Variants in RPS6KL1 observed in about 807,000 individuals in gnomAD.
The protein encoded by RPS6KL1 is ribosomal protein S6 kinase like 1, also known as ribosomal protein S6 kinase-like 1.
In RPS6KL1, 41 loss-of-function variants were observed where a neutral mutation model predicts 57.0. The observed-to-expected ratio is 0.72, with a 90% CI of 0.56 to 0.93. The LOEUF (loss-of-function observed/expected upper bound fraction) is 0.93. Ranked by LOEUF, RPS6KL1 falls within the 40% of genes least tolerant of loss-of-function variation. The probability of loss-of-function intolerance (pLI) is 0.00; values close to 1 mark genes in which losing one functional copy is unlikely to be tolerated. For synonymous variants in RPS6KL1, 287 were observed against 309.7 expected (o/e 0.93, Z 0.77); for missense variants, 697 against 727.7 (o/e 0.96, Z 0.49).
Position 74,922,126 on chromosome 14 carries a change from TG to T in RPS6KL1, c.-170del. On this transcript the variant is annotated 5_prime_UTR_variant, in exon 2 of 12. It introduces an in-frame stop codon into an upstream open reading frame of the 5' UTR. Coordinates refer to ENST00000557413, the MANE Select transcript of RPS6KL1 (RefSeq NM_031464.5). ...TCAAATTCAGTTCAGCAAACATTTC[TG>T]GAGCATCTGGTACTGTGTTGAGCTC... 1.1e-6 allele frequency: 1 copy of T among 926,186 alleles called. No homozygotes were observed. The highest frequency in any genetic ancestry group is 1.3e-6 in the Non-Finnish European group (1 of 771,218). The allele number at this position is 926,186 out of a possible 1,614,324, so 57.4% of individuals were successfully genotyped here.
chr14:74,915,961 G>A (rs142602524), intron 5 of RPS6KL1, among the ~76,000 whole-genome samples: 68 of 152,324 alleles, frequency 4.5e-4, no homozygotes, highest in Admixed American at 5.2e-4. Context: ...TGGCCCCCAG[G>A]CTCTGAGGCC....
At chr14:74,916,985 A>G (rs184786956) in intron 5 of RPS6KL1, among the ~76,000 whole-genome samples, 16 of 152,310 alleles carry the variant, frequency 1.1e-4, no homozygotes, top group African/African-American at 2.4e-4. Flanking sequence ...GTCCCTGGGA[A>G]CGGCTGTGCT....
In RPS6KL1 at chr14:74,906,140, C is replaced by T. The variant is rs920234136; in HGVS notation, c.*874G>A. The T allele has an allele frequency of 4.8e-5, 10 of 207,926 alleles. No individual in the cohort carries two copies. Among genetic ancestry groups the T allele is most frequent in the African/African-American group, 2.3e-4 (10 of 44,096 alleles). 12.9% of individuals were successfully genotyped at this position (207,926 alleles called of 1,614,324 possible). A position where few individuals can be genotyped will look rare whatever the true frequency, so the allele number is the denominator to read the frequency against. On this transcript the variant is annotated 3_prime_UTR_variant, in exon 12 of 12. Transcript: ENST00000557413. Reference sequence around the variant, plus strand: ...CAGTGACATGGTAAACAGCCAGGGCCTGAGAGGGAGTCCTGATGGGCACAC... The same window carrying T: ...CAGTGACATGGTAAACAGCCAGGGCTTGAGAGGGAGTCCTGATGGGCACAC...
At chr14:74,907,593 C>T (rs1274183021) in intron 10 of RPS6KL1, 63 bp from the exon 11 acceptor site, 13 of 1,466,468 alleles carry the variant, frequency 8.9e-6, no homozygotes, top group Non-Finnish European at 1.1e-5. Context: ...ACTCCAGTGG[C>T]AGCCAGGATT....
At chr14:74,919,043 C>T (rs111309564) in intron 4 of RPS6KL1, among the ~76,000 whole-genome samples, 27 of 152,324 alleles carry the variant, frequency 1.8e-4, no homozygotes, top group South Asian at 8.3e-4. Context: ...AGCATGGTGG[C>T]GCCTGCCTGT....
Position 74,910,215 on chromosome 14 carries a change from G to A in RPS6KL1, c.665-67C>T, listed in dbSNP as rs527731332. The A allele has an allele frequency of 2.0e-6, 3 of 1,474,258 alleles. No individual in the cohort carries two copies. The East Asian group carries it at 6.9e-5, about 34-fold the overall frequency. The allele number at this position is 1,474,258 out of a possible 1,614,324, so 91.3% of individuals were successfully genotyped here. ...AAAAAGAGTATGGATGCCAGGGCCGGCTCCCACTCCTGCCTCCCTTCTGTC... is the reference window on the plus strand; with the variant it reads ...AAAAAGAGTATGGATGCCAGGGCCGACTCCCACTCCTGCCTCCCTTCTGTC... On this transcript the variant is annotated intron_variant, in intron 7 of 11. Transcript: ENST00000557413.
intron 5 of RPS6KL1, among the ~76,000 whole-genome samples, chr14:74,913,947 G>A (rs868015688): frequency 1.3e-5 from 2 of 152,202 alleles, no homozygotes; most frequent in African/African-American, 4.8e-5. Context: ...AGGTTATGTT[G>A]CCTACTGTCC....
chr14:74,913,308 G>A (rs1594929015), intron 5 of RPS6KL1, among the ~76,000 whole-genome samples: 1 of 152,120 alleles, frequency 6.6e-6, no homozygotes, highest in East Asian at 1.9e-4. Context: ...TGTAATCCCT[G>A]TAATTTGGGA....
At chr14:74,919,721 A>T in intron 4 of RPS6KL1, 124 bp downstream of exon 4, 1 of 1,071,814 alleles carries the variant, frequency 9.3e-7, no homozygotes, top group Non-Finnish European at 1.3e-6. Context: ...CAGCCCAAAT[A>T]ATGACTTCCA....
chr14:74,907,269 G>A (rs531083163), intron 11 of RPS6KL1, 145 bp from the exon 12 acceptor site: 1 of 1,377,476 alleles, frequency 7.3e-7, no homozygotes, highest in East Asian at 2.5e-5. Context: ...TGGGAACATT[G>A]GTGGTGGTTG....
chr14:74,923,040 C>T (rs1456363462), intron 1 of RPS6KL1, 140 bp downstream of exon 1: 1 of 152,362 alleles, frequency 6.6e-6, no homozygotes, highest in Admixed American at 6.5e-5. Flanking sequence ...GGCAGAGCCG[C>T]CGGCCCCGCC....
In RPS6KL1 at chr14:74,909,701, T is replaced by C. The variant is rs1226941592; in HGVS notation, c.1112A>G (p.Asp371Gly). 3 of 1,609,062 alleles carry C rather than the reference T, an allele frequency of 1.9e-6. No individual in the cohort carries two copies. The highest frequency in any genetic ancestry group is 2.5e-6 in the Non-Finnish European group (3 of 1,179,884). The change falls in exon 8 of 12, where the codon GAT becomes GGT. Residue 371 changes from aspartate (D) to glycine (G), a missense_variant. Physicochemically the swap from Asp to Gly is moderately conservative, Grantham distance 94. Transcript: ENST00000557413. Reference sequence around the variant, plus strand: ...CCTGCCACAGCCCCGGCCGGCCCCATCTGCTGACAGGCAGCTCTGATCCAT... The same window carrying C: ...CCTGCCACAGCCCCGGCCGGCCCCACCTGCTGACAGGCAGCTCTGATCCAT... The part of the protein sequence containing the change: ...RGMDQSCLSA[D>G]GAGRGCGRAT...
At chr14:74,907,930 C>T (rs983277095) in intron 10 of RPS6KL1, among the ~76,000 whole-genome samples, 3 of 152,120 alleles carry the variant, frequency 2.0e-5, no homozygotes, top group Non-Finnish European at 4.4e-5. Flanking sequence ...GCCAAGGCAG[C>T]GGCGTGGCAA....
chr14:74,907,249 C>A, intron 11 of RPS6KL1, 125 bp from the exon 12 acceptor site: 1 of 1,379,120 alleles, frequency 7.3e-7, no homozygotes, highest in East Asian at 2.4e-5. Context: ...ACAGAACCCC[C>A]ATTTTACCCT....
In RPS6KL1 at chr14:74,906,403, CGGGGGTGGGGGGGT is replaced by C. The variant is rs1018199779; in HGVS notation, c.*597_*610del. ...CAAGATAGGGGGCATGGTCAGGAAT[CGGGGGTGGGGGGGT>C]GGGGGTGGGGGTCATCCTGTCCCCT... On this transcript the variant is annotated 3_prime_UTR_variant, in exon 12 of 12. Coordinates refer to ENST00000557413, the MANE Select transcript of RPS6KL1 (RefSeq NM_031464.5). 39 of 210,550 alleles carry C rather than the reference CGGGGGTGGGGGGGT, an allele frequency of 1.9e-4. No homozygotes were observed. The highest frequency in any genetic ancestry group is 1.1e-3 in the Admixed American group (16 of 14,782). 13.0% of individuals were successfully genotyped at this position (210,550 alleles called of 1,614,324 possible).
intron 5 of RPS6KL1, among the ~76,000 whole-genome samples, chr14:74,912,618 T>C (rs1039156844): frequency 1.3e-5 from 2 of 152,178 alleles, no homozygotes; most frequent in African/African-American, 4.8e-5. Context: ...CGCAGCCATG[T>C]TGTGTGGGCT....
chr14:74,906,559 C>T lies in RPS6KL1; in HGVS notation c.*455G>A, dbSNP rs937890665. On this transcript the variant is annotated 3_prime_UTR_variant, in exon 12 of 12. Transcript: ENST00000557413. ...GTGTGACTAAGAGGACTAGCCAGGA[C>T]AGTCTGGTTTGGGTCCACTGAGCCA... 1.9e-6 allele frequency: 1 copy of T among 527,502 alleles called. No individual in the cohort carries two copies. Among genetic ancestry groups the T allele is most frequent in the African/African-American group, 1.9e-5 (1 of 51,914 alleles). 32.7% of individuals were successfully genotyped at this position (527,502 alleles called of 1,614,324 possible). A position where few individuals can be genotyped will look rare whatever the true frequency, so the allele number is the denominator to read the frequency against.
intron 2 of RPS6KL1, 138 bp from the exon 3 acceptor site, chr14:74,921,699 G>A (rs1342840324): frequency 2.1e-6 from 3 of 1,439,268 alleles, no homozygotes; most frequent in African/African-American, 1.4e-5. Flanking sequence ...AGTGGGTAAG[G>A]TCTTTTCATG....
intron 3 of RPS6KL1, 124 bp downstream of exon 3, chr14:74,921,153 A>C (rs548512034): frequency 1.2e-6 from 1 of 814,272 alleles, no homozygotes; most frequent in Admixed American, 2.4e-5. Context: ...GAGGCCCTGC[A>C]GGCCAGCATA....
Sources: gnomAD v4.1 joint callset for allele counts (sites outside exome capture counted in the v4.1 genomes callset) on GRCh38, gnomAD v4.1.1 for gene constraint, MANE v1.5 for transcripts, NCBI Gene and HGNC (gene_info 2026-07-23, HGNC 2026-07-21) for gene names.